PTPRD: variants seen among roughly 807,000 people sequenced by gnomAD.
The protein encoded by PTPRD is protein tyrosine phosphatase receptor type D.
PTPRD carries 34 observed loss-of-function variants against 214.5 expected under a neutral mutation model. The observed-to-expected ratio is 0.16, with a 90% CI of 0.12 to 0.21. The LOEUF (loss-of-function observed/expected upper bound fraction) is 0.21. PTPRD is among the 10% of genes least tolerant of loss of function. The pLI is 1.00. For synonymous variants in PTPRD, 1,128 were observed against 845.7 expected, an observed-to-expected ratio of 1.33 and a Z score of -5.79; for missense variants, 2,545 against 2,398.7, an observed-to-expected ratio of 1.06 and a Z score of -1.27.
rs540333418 is a variant in PTPRD at position 9,531,574 on chromosome 9, G to A, written c.-237+43158C>T. Among the ~76,000 whole-genome samples the A allele has an allele frequency of 3.9e-5, 6 of 152,234 alleles. No individual in the cohort carries two copies. In the East Asian group the frequency reaches 9.7e-4, roughly 25 times the overall value. ...ATTGTAATGATTACATGGTGCATCC[G>A]TGTTCTAGCATGTATCGGTATCTCA... is the stretch of plus-strand genomic sequence containing the variant. On this transcript the variant is annotated intron_variant, in intron 8 of 45. Coordinates refer to ENST00000381196, the MANE Select transcript of PTPRD (RefSeq NM_002839.4).
chr9:9,484,631 T>G (rs1412881726), intron 8 of PTPRD, among the ~76,000 whole-genome samples: 1 of 152,180 alleles, frequency 6.6e-6, no homozygotes, highest in African/African-American at 2.4e-5. Flanking sequence ...CATTATTTCA[T>G]TTAATCCTTG....
At chr9:8,843,506 C>T (rs7870329) in intron 11 of PTPRD, among the ~76,000 whole-genome samples, 1 of 152,116 alleles carries the variant, frequency 6.6e-6, no homozygotes, top group Non-Finnish European at 1.5e-5. Flanking sequence ...GGGAAACGTT[C>T]TATGTCGGTG....
intron 8 of PTPRD, among the ~76,000 whole-genome samples, chr9:9,472,534 C>T (rs1307234272): frequency 6.6e-6 from 1 of 152,154 alleles, no homozygotes; most frequent in African/African-American, 2.4e-5. Context: ...CTTGCAATCT[C>T]ACATACTTGA....
At chr9:9,649,660 G>T (rs955652371) in intron 7 of PTPRD, among the ~76,000 whole-genome samples, 1 of 152,106 alleles carries the variant, frequency 6.6e-6, no homozygotes, top group Non-Finnish European at 1.5e-5. Flanking sequence ...CTCATAACTA[G>T]AGTCACTCAT....
chr9:8,500,575 A>AAAAAAAAAAAAAAAAAAAAAAAAAAAAAC (rs2097377071), intron 24 of PTPRD, among the ~76,000 whole-genome samples, 179 bp downstream of exon 24: 1 of 145,482 alleles, frequency 6.9e-6, no homozygotes, highest in African/African-American at 2.5e-5. Flanking sequence ...AAAAAAAAAA[A>AAAAAAAAAAAAAAAAAAAAAAAAAAAAAC]AAAAAAAAAA....
chr9:10,044,326 A>G (rs1201120107), intron 3 of PTPRD, among the ~76,000 whole-genome samples: 1 of 151,788 alleles, frequency 6.6e-6, no homozygotes, highest in East Asian at 1.9e-4. Flanking sequence ...ATGCTACTAA[A>G]TTTTTCTTTA....
Position 9,717,743 on chromosome 9 carries a change from G to A in PTPRD, c.-287+16790C>T, listed in dbSNP as rs1382553722. On this transcript the variant is annotated intron_variant, in intron 7 of 45. Transcript: ENST00000381196. ...TACCAAGCCAGATTTCTGTGCAGTG[G>A]ATGGAAGGAATTAATCTTAGCAAGG... 2.0e-5 allele frequency among the ~76,000 whole-genome samples: 3 copies of A among 152,174 alleles called. No individual in the cohort carries two copies. The East Asian group carries it at 5.8e-4, about 29-fold the overall frequency.
intron 4 of PTPRD, among the ~76,000 whole-genome samples, chr9:9,993,293 T>C (rs2096011559): frequency 6.6e-6 from 1 of 152,218 alleles, no homozygotes. Flanking sequence ...TAGGTACATA[T>C]ATTATCCTCT....
intron 7 of PTPRD, among the ~76,000 whole-genome samples, chr9:9,613,716 C>T (rs899787826): frequency 1.8e-4 from 27 of 152,236 alleles, no homozygotes; most frequent in African/African-American, 6.5e-4. Flanking sequence ...AGCATGGGCA[C>T]CAAGTGACAG....
intron 8 of PTPRD, among the ~76,000 whole-genome samples, chr9:9,477,235 G>A (rs999230525): frequency 5.3e-5 from 8 of 152,272 alleles, no homozygotes; most frequent in South Asian, 4.1e-4. Flanking sequence ...CTATTCAACT[G>A]TAGTCATCTC....
rs899134128 is a variant in PTPRD, at chr9:8,638,827, T to G, written c.65-1983A>C. Among the ~76,000 whole-genome samples the G allele has an allele frequency of 3.3e-5, 5 of 152,220 alleles. No individual in the cohort carries two copies. The East Asian group carries it at 7.7e-4, about 23-fold the overall frequency. On this transcript the variant is annotated intron_variant, in intron 12 of 45. Transcript: ENST00000381196. ...GCTGTGGGAAGTACTTAAAATAATTTTATTTTTTATTTATTTTTATTTATT... is the reference window on the plus strand; with the variant it reads ...GCTGTGGGAAGTACTTAAAATAATTGTATTTTTTATTTATTTTTATTTATT...
chr9:9,479,246 C>G (rs1366704711), intron 8 of PTPRD, among the ~76,000 whole-genome samples: 1 of 131,868 alleles, frequency 7.6e-6, no homozygotes, highest in African/African-American at 2.9e-5. Context: ...ACACCCACCT[C>G]TAGCATTTGG....
At chr9:9,527,740 C>T (rs2074463709) in intron 8 of PTPRD, among the ~76,000 whole-genome samples, 1 of 152,034 alleles carries the variant, frequency 6.6e-6, no homozygotes, top group African/African-American at 2.4e-5. Context: ...CCTTCAATTA[C>T]TATAGTTACA....
chr9:9,075,519 G>A (rs566550152), intron 10 of PTPRD, among the ~76,000 whole-genome samples: 52 of 152,000 alleles, frequency 3.4e-4, no homozygotes, highest in African/African-American at 1.1e-3. Flanking sequence ...CCATTAACTC[G>A]TCATTTACAT....
chr9:8,535,697 G>A (rs1372351360), intron 14 of PTPRD, among the ~76,000 whole-genome samples: 1 of 151,864 alleles, frequency 6.6e-6, no homozygotes, highest in Admixed American at 6.6e-5. Context: ...TTTTTAAAAA[G>A]ATGATGCCAA....
At chr9:9,939,375 A>G (rs984684047) in intron 4 of PTPRD, among the ~76,000 whole-genome samples, 1 of 152,156 alleles carries the variant, frequency 6.6e-6, no homozygotes, top group South Asian at 2.1e-4. Context: ...CAAGAGATGC[A>G]GCACTGTAGC....
chr9:8,429,646 A>G (rs1034005212), intron 35 of PTPRD, among the ~76,000 whole-genome samples: 2 of 152,178 alleles, frequency 1.3e-5, no homozygotes, highest in African/African-American at 4.8e-5. Flanking sequence ...ATCATCACAG[A>G]CAGGAGATGT....
In PTPRD at chr9:9,636,113, C is replaced by T. The variant is rs564611234; in HGVS notation, c.-286-61332G>A. On this transcript the variant is annotated intron_variant, in intron 7 of 45. Transcript: ENST00000381196. ...TCTTCATTTGCTCAATTTTCTCCAG[C>T]TTACAGGATATTTTTCACGTGTTCT... 3.9e-5 allele frequency among the ~76,000 whole-genome samples: 6 copies of T among 152,230 alleles called. No individual in the cohort carries two copies. The South Asian group carries it at 1.0e-3, about 26-fold the overall frequency.
intron 5 of PTPRD, among the ~76,000 whole-genome samples, chr9:9,852,081 T>C (rs1283400338): frequency 1.3e-5 from 2 of 151,956 alleles, no homozygotes; most frequent in East Asian, 1.9e-4. Context: ...AGACCAGACA[T>C]ATAAAACAAG....
Sources: gnomAD v4.1 joint callset for allele counts (sites outside exome capture counted in the v4.1 genomes callset) on GRCh38, gnomAD v4.1.1 for gene constraint, MANE v1.5 for transcripts, NCBI Gene and HGNC (gene_info 2026-07-23, HGNC 2026-07-21) for gene names.